The following FHIT variants were observed in gnomAD, a reference collection of about 807,000 sequenced individuals.
The protein encoded by FHIT is bis(5'-adenosyl)-triphosphatase.
A neutral mutation model predicts 17.9 loss-of-function variants in FHIT; 19 were observed. The observed-to-expected ratio is 1.06, with a 90% CI of 0.74 to 1.56. The LOEUF (loss-of-function observed/expected upper bound fraction) is 1.56. Among genes scored for constraint, FHIT ranks in the 40% most tolerant of loss-of-function variants. The pLI is 0.00. For missense variants in FHIT, 248 were observed against 189.2 expected (o/e 1.31, Z -1.82); for synonymous variants, 81 against 69.7 (o/e 1.16, Z -0.81).
At chr3:59,864,745 C>T (rs959983946) in intron 8 of FHIT, among the ~76,000 whole-genome samples, 1 of 150,414 alleles carries the variant, frequency 6.6e-6, no homozygotes, top group Non-Finnish European at 1.5e-5. Flanking sequence ...AGAAGCAATG[C>T]TTTTCTGTGG....
chr3:60,572,982 CAT>C (rs1469756549), intron 4 of FHIT, among the ~76,000 whole-genome samples: 2 of 152,066 alleles, frequency 1.3e-5, no homozygotes, highest in African/African-American at 4.8e-5. Flanking sequence ...CTATTATTTC[CAT>C]ATTTCACTTG....
chr3:59,806,285 T>C (rs1192015076), intron 8 of FHIT, among the ~76,000 whole-genome samples: 1 of 152,150 alleles, frequency 6.6e-6, no homozygotes, highest in African/African-American at 2.4e-5. Context: ...GTAGAGTTAA[T>C]TTTTAGGCCT....
intron 3 of FHIT, among the ~76,000 whole-genome samples, chr3:60,897,080 T>C (rs1553762133): frequency 6.6e-6 from 1 of 152,226 alleles, no homozygotes; most frequent in Non-Finnish European, 1.5e-5. Flanking sequence ...TTTTGCTTTT[T>C]GCACTACCAA....
At chr3:60,410,097 T>C (rs750055233) in intron 5 of FHIT, among the ~76,000 whole-genome samples, 1 of 152,194 alleles carries the variant, frequency 6.6e-6, no homozygotes, top group Non-Finnish European at 1.5e-5. Context: ...CCTGCTATTG[T>C]TTAACTGAAA....
intron 5 of FHIT, among the ~76,000 whole-genome samples, chr3:60,344,403 G>C (rs776682191): frequency 6.6e-6 from 1 of 152,266 alleles, no homozygotes; most frequent in South Asian, 2.1e-4. Flanking sequence ...CTTGTATTTT[G>C]TATCTATTTT....
chr3:59,848,345 G>C (rs1252662038), intron 8 of FHIT, among the ~76,000 whole-genome samples: 1 of 151,564 alleles, frequency 6.6e-6, no homozygotes, highest in East Asian at 1.9e-4. Flanking sequence ...TTATCTATGT[G>C]GAAATACAGA....
intron 4 of FHIT, among the ~76,000 whole-genome samples, chr3:60,567,509 G>A (rs570379063): frequency 6.4e-4 from 98 of 152,244 alleles, no homozygotes; most frequent in Non-Finnish European, 7.8e-4. Flanking sequence ...AACCCTAGAA[G>A]AAAACCTAGG....
chr3:61,209,161 T>C (rs1348240935), intron 1 of FHIT, among the ~76,000 whole-genome samples: 2 of 152,182 alleles, frequency 1.3e-5, no homozygotes, highest in African/African-American at 2.4e-5. Context: ...CTCTTCTGGC[T>C]TGTAGAGTTT....
At chr3:60,327,068 C>A (rs1709727621) in intron 5 of FHIT, among the ~76,000 whole-genome samples, 1 of 152,202 alleles carries the variant, frequency 6.6e-6, no homozygotes, top group African/African-American at 2.4e-5. Flanking sequence ...GCTTCCTGCA[C>A]CAGTGACAGC....
Position 60,301,529 on chromosome 3 carries a change from C to T in FHIT, c.103+235331G>A, listed in dbSNP as rs192818437. On this transcript the variant is annotated intron_variant, in intron 5 of 9. Coordinates refer to ENST00000492590, the MANE Select transcript of FHIT (RefSeq NM_002012.4). ...GTTGATCAATTCTGACCCAGATCTA[C>T]TAGGACCATTTCATGGCTAGTTCTA... Among the ~76,000 whole-genome samples the T allele has an allele frequency of 5.1e-4, 78 of 152,302 alleles. No homozygotes were observed. The East Asian group carries it at 7.9e-3, about 15-fold the overall frequency.
intron 5 of FHIT, among the ~76,000 whole-genome samples, chr3:60,063,447 C>G (rs1391429067): frequency 6.6e-6 from 1 of 152,138 alleles, no homozygotes; most frequent in African/African-American, 2.4e-5. Context: ...GAAGCCAGAA[C>G]ACTGACTTAT....
At chr3:60,368,863 T>G (rs551015126) in intron 5 of FHIT, among the ~76,000 whole-genome samples, 4 of 152,286 alleles carry the variant, frequency 2.6e-5, no homozygotes, top group Non-Finnish European at 4.4e-5. Context: ...TTTTTTTTCC[T>G]GTTTAGATAA....
intron 3 of FHIT, among the ~76,000 whole-genome samples, chr3:60,870,742 A>G (rs1553754828): frequency 1.3e-5 from 2 of 152,154 alleles, no homozygotes; most frequent in Non-Finnish European, 2.9e-5. Context: ...TAGTCTGTGC[A>G]GTGGGCCAAC....
At chr3:60,061,854 G>C (rs1054150260) in intron 5 of FHIT, among the ~76,000 whole-genome samples, 15 of 152,290 alleles carry the variant, frequency 9.8e-5, no homozygotes, top group Admixed American at 7.9e-4. Context: ...TGACACGAGA[G>C]ATGAATTTCA....
chr3:60,324,076 G>T (rs371807968), intron 5 of FHIT, among the ~76,000 whole-genome samples: 1 of 152,134 alleles, frequency 6.6e-6, no homozygotes, highest in African/African-American at 2.4e-5. Flanking sequence ...ATGCTGATAA[G>T]AAACAGCTGG....
chr3:60,569,755 A>ATATATATTTTTTTT, intron 4 of FHIT, among the ~76,000 whole-genome samples: 29 of 77,330 alleles, frequency 3.8e-4, no homozygotes, highest in East Asian at 1.6e-3. Flanking sequence ...ATATATATAT[A>ATATATATTTTTTTT]TTTTTTTTTT....
chr3:59,971,080 A>G (rs1708157888), intron 7 of FHIT, among the ~76,000 whole-genome samples: 1 of 152,052 alleles, frequency 6.6e-6, no homozygotes, highest in South Asian at 2.1e-4. Flanking sequence ...GGGAATTAGG[A>G]CAAAATTTTT....
chr3:60,113,699 C>G (rs1704786854), intron 5 of FHIT, among the ~76,000 whole-genome samples: 1 of 151,518 alleles, frequency 6.6e-6, no homozygotes, highest in East Asian at 2.0e-4. Flanking sequence ...TAAACATGAT[C>G]AATGATAAAT....
At chr3:60,820,750 G>A (rs1481121498) in intron 4 of FHIT, among the ~76,000 whole-genome samples, 3 of 152,154 alleles carry the variant, frequency 2.0e-5, no homozygotes, top group East Asian at 1.9e-4. Context: ...GTATCTTTGT[G>A]TTCTGGTACA....
Sources: gnomAD v4.1 joint callset for allele counts (sites outside exome capture counted in the v4.1 genomes callset) on GRCh38, gnomAD v4.1.1 for gene constraint, MANE v1.5 for transcripts, NCBI Gene and HGNC (gene_info 2026-07-23, HGNC 2026-07-21) for gene names.